The following DST variants were observed in gnomAD, a reference collection of about 807,000 sequenced individuals.
DST encodes dystonin.
In DST, 253 loss-of-function variants were observed where a neutral mutation model predicts 875.2. That is an observed-to-expected ratio of 0.29 (90% CI 0.26 to 0.32). The LOEUF is 0.32. Ranked by LOEUF, DST falls within the 10% of genes least tolerant of loss-of-function variation. The pLI is 1.00. For synonymous variants in DST, 3,124 were observed against 3,197.1 expected, an observed-to-expected ratio of 0.98 and a Z score of 0.77; for missense variants, 8,287 against 9,111.6, an observed-to-expected ratio of 0.91 and a Z score of 3.68.
chr6:56,939,252 T>C (rs1168697789), intron 2 of DST, among the ~76,000 whole-genome samples: 1 of 152,208 alleles, frequency 6.6e-6, no homozygotes, highest in Non-Finnish European at 1.5e-5. Context: ...GGGTCTATAG[T>C]GAGCAGACTG....
At chr6:56,581,051 TAAAAAAAAAAAAA>T (rs771314105) in intron 49 of DST, among the ~76,000 whole-genome samples, 3 of 90,696 alleles carry the variant, frequency 3.3e-5, no homozygotes, top group South Asian at 4.3e-4. Flanking sequence ...TGGCATTTAT[TAAAAAAAAAAAAA>T]AAAAAAAAAA....
chr6:56,809,925 A>G (rs1237388518), intron 4 of DST, among the ~76,000 whole-genome samples: 1 of 152,218 alleles, frequency 6.6e-6, no homozygotes, highest in Non-Finnish European at 1.5e-5. Flanking sequence ...TATCAGTATT[A>G]CTTTATTATT....
Position 56,569,087 on chromosome 6 carries a change from C to T in DST, c.13879-492G>A, listed in dbSNP as rs150398505. The stretch of plus-strand genomic sequence containing the variant: ...CCTGTAATCCTAGCACTTTGGAAGG[C>T]CAAGGCAGGTGGATCATGAGGTCAG... On this transcript the variant is annotated intron_variant, in intron 54 of 103. Transcript: ENST00000680361. Among the ~76,000 whole-genome samples the T allele has an allele frequency of 6.0e-3, 916 of 152,178 alleles. 10 individuals carry two copies. The highest frequency in any genetic ancestry group is 0.021 in the African/African-American group (889 of 41,502).
intron 10 of DST, among the ~76,000 whole-genome samples, chr6:56,663,437 T>C (rs1272408278): frequency 6.6e-6 from 1 of 152,246 alleles, no homozygotes; most frequent in African/African-American, 2.4e-5. Flanking sequence ...CTACAGCCCA[T>C]GGCCATGTGT....
chr6:56,796,947 G>C (rs2099740574), intron 4 of DST, among the ~76,000 whole-genome samples: 1 of 151,998 alleles, frequency 6.6e-6, no homozygotes, highest in African/African-American at 2.4e-5. Context: ...AGAAGTACAG[G>C]CATATCCATT....
intron 96 of DST, 85 bp from the exon 97 acceptor site, chr6:56,470,042 GA>G: frequency 6.3e-7 from 1 of 1,597,662 alleles, no homozygotes; most frequent in South Asian, 1.1e-5. Flanking sequence ...CAATTAGAGT[GA>G]AAATAAAATG....
At chr6:56,562,923 C>T (rs1229621020) in intron 55 of DST, among the ~76,000 whole-genome samples, 1 of 152,060 alleles carries the variant, frequency 6.6e-6, no homozygotes, top group East Asian at 1.9e-4. Flanking sequence ...TGAACATATC[C>T]TTTTTTATGG....
intron 4 of DST, among the ~76,000 whole-genome samples, chr6:56,783,403 T>G (rs1329340557): frequency 1.3e-5 from 2 of 152,136 alleles, no homozygotes; most frequent in African/African-American, 2.4e-5. Context: ...TGAATCTGGG[T>G]GCTCCTGTAT....
At chr6:56,618,581 T>G (rs1563228493) in intron 36 of DST, 1 of 1,614,194 alleles carries the variant, frequency 6.2e-7, no homozygotes, top group Non-Finnish European at 8.5e-7. Flanking sequence ...TTCCATGTGC[T>G]GCCCTTGCTG....
intron 3 of DST, among the ~76,000 whole-genome samples, chr6:56,870,178 T>C (rs1293903590): frequency 6.6e-6 from 1 of 151,936 alleles, no homozygotes; most frequent in Admixed American, 6.6e-5. Context: ...GGTGACCACA[T>C]CCACCTTTAA....
Position 56,779,717 on chromosome 6 carries a change from T to A in DST, c.626-44428A>T, listed in dbSNP as rs113334880. On this transcript the variant is annotated intron_variant, in intron 4 of 103. Transcript: ENST00000680361. ...TGTAGATATGTGGCATTAGTCTTCC[T>A]TATTCTTTTTTTTTTTTAATATTAT... 3.9e-3 allele frequency among the ~76,000 whole-genome samples: 576 copies of A among 147,696 alleles called. 1 individual carries two copies. Among genetic ancestry groups the A allele is most frequent in the Non-Finnish European group, 6.2e-3 (405 of 65,294 alleles).
At chr6:56,611,044 G>C (rs1000307707) in intron 38 of DST, among the ~76,000 whole-genome samples, 1 of 152,120 alleles carries the variant, frequency 6.6e-6, no homozygotes, top group African/African-American at 2.4e-5. Context: ...GAAAAAGGTG[G>C]ATTCCTTCCC....
At chr6:56,875,132 C>T (rs1335547654) in intron 3 of DST, among the ~76,000 whole-genome samples, 4 of 152,114 alleles carry the variant, frequency 2.6e-5, no homozygotes, top group Non-Finnish European at 5.9e-5. Context: ...TACAGGCGCC[C>T]GCCACCACGC....
rs752885359 is a variant in DST, at chr6:56,954,629, G to C, written c.-42C>G. Reference sequence around the variant, plus strand: ...GGGCGACTCGACGGCGGGGCTGGAGGGCGGCGGCACAGGCACCCGCGCTGG... The same window carrying C: ...GGGCGACTCGACGGCGGGGCTGGAGCGCGGCGGCACAGGCACCCGCGCTGG... On this transcript the variant is annotated 5_prime_UTR_variant, in exon 1 of 104. Coordinates refer to ENST00000680361, the MANE Select transcript of DST (RefSeq NM_001374736.1). The C allele has an allele frequency of 1.6e-6, 2 of 1,278,042 alleles. No individual in the cohort carries two copies. Among genetic ancestry groups the C allele is most frequent in the African/African-American group, 3.2e-5 (2 of 63,302 alleles). 79.2% of individuals were successfully genotyped at this position (1,278,042 alleles called of 1,614,324 possible).
intron 5 of DST, among the ~76,000 whole-genome samples, chr6:56,734,140 A>G (rs985085555): frequency 6.6e-6 from 1 of 152,240 alleles, no homozygotes; most frequent in African/African-American, 2.4e-5. Flanking sequence ...CTGCGTCAGA[A>G]TTCACAATAT....
intron 13 of DST, among the ~76,000 whole-genome samples, chr6:56,647,688 G>GTTGTTTTTTTTTTTTTTTTTTTT (rs1491402943): frequency 1.0e-4 from 13 of 126,904 alleles, no homozygotes; most frequent in African/African-American, 3.5e-4. Context: ...TTTTTGTAAT[G>GTTGTTTTTTTTTTTTTTTTTTTT]TTTTTTTTTT....
At chr6:56,632,113 G>T in intron 28 of DST, 73 bp from the exon 29 acceptor site, 1 of 1,237,660 alleles carries the variant, frequency 8.1e-7, no homozygotes, top group South Asian at 1.3e-5. Flanking sequence ...GTTTTAATAT[G>T]AGAATTTTAT....
chr6:56,809,115 C>A (rs1203980276), intron 4 of DST, among the ~76,000 whole-genome samples: 1 of 152,130 alleles, frequency 6.6e-6, no homozygotes, highest in East Asian at 1.9e-4. Flanking sequence ...CAAACCTCCC[C>A]ACCTTCTCTT....
intron 10 of DST, among the ~76,000 whole-genome samples, chr6:56,661,945 T>A (rs2099045137): frequency 6.6e-6 from 1 of 152,134 alleles, no homozygotes; most frequent in Non-Finnish European, 1.5e-5. Flanking sequence ...ACTTCGTCAC[T>A]TTTCCCCCTA....
Sources: gnomAD v4.1 joint callset for allele counts (sites outside exome capture counted in the v4.1 genomes callset) on GRCh38, gnomAD v4.1.1 for gene constraint, MANE v1.5 for transcripts, NCBI Gene and HGNC (gene_info 2026-07-23, HGNC 2026-07-21) for gene names.